The following SMTN variants were observed in gnomAD, a reference collection of about 807,000 sequenced individuals.
SMTN encodes smoothelin.
SMTN carries 58 observed loss-of-function variants against 102.0 expected under a neutral mutation model. The ratio of observed to expected loss-of-function variants is 0.57; its 90% CI spans 0.46 to 0.71. The LOEUF (loss-of-function observed/expected upper bound fraction) is 0.71, where lower values mean the gene tolerates loss of function less well. Among genes scored for constraint, SMTN ranks in the 30% least tolerant of loss-of-function variants. SMTN has a pLI of 0.00. For synonymous variants in SMTN, 478 were observed against 497.9 expected (o/e 0.96, Z 0.53); for missense variants, 1,185 against 1,241.7 (o/e 0.95, Z 0.69).
chr22:31,095,477 T>TG lies in SMTN; in HGVS notation c.1785+27dup, dbSNP rs2043504702. ...GATGGTATAGCCAGATCCGGTGGGC[T>TG]GGGGGTTGGCAGAGGCCAGCAGGCA... On this transcript the variant is annotated intron_variant, in intron 12 of 20. Coordinates refer to ENST00000333137, the MANE Select transcript of SMTN (RefSeq NM_134269.3). The surrounding 1 kb of genome is among the most constrained non-coding windows in gnomAD (Gnocchi z 4.1). 1 of 1,614,158 alleles carries TG rather than the reference T, an allele frequency of 6.2e-7. No homozygotes were observed. The highest frequency in any genetic ancestry group is 1.1e-5 in the South Asian group (1 of 91,086).
rs758585569 is a variant in SMTN at position 31,090,198 on chromosome 22, G to A, written c.865+18G>A. On this transcript the variant is annotated intron_variant, in intron 8 of 20. Transcript: ENST00000333137. Reference sequence around the variant, plus strand: ...GAGAGCAGGTGAGGGTCCCAGCAGGGGTAGTCACAGGCATCTTTCTTCCCC... The same window carrying A: ...GAGAGCAGGTGAGGGTCCCAGCAGGAGTAGTCACAGGCATCTTTCTTCCCC... 34 of 1,587,280 alleles carry A rather than the reference G, an allele frequency of 2.1e-5. No individual in the cohort carries two copies. The highest frequency in any genetic ancestry group is 2.7e-5 in the Non-Finnish European group (32 of 1,167,184).
At chr22:31,071,677 TCTTTCTCTC>T (rs1569231791) in intron 1 of SMTN, among the ~76,000 whole-genome samples, 23 of 146,990 alleles carry the variant, frequency 1.6e-4, no homozygotes, top group Middle Eastern at 3.5e-3. Context: ...TCTAGCTCTC[TCTTTCTCTC>T]TCTCTCTCTC....
chr22:31,077,816 G>A (rs1334837408), upstream of SMTN, among the ~76,000 whole-genome samples: 1 of 152,254 alleles, frequency 6.6e-6, no homozygotes, highest in Non-Finnish European at 1.5e-5. Flanking sequence ...CACAGCGGCT[G>A]GATGACATCC....
intron 1 of SMTN, among the ~76,000 whole-genome samples, chr22:31,074,176 C>G (rs1199859980): frequency 6.6e-6 from 1 of 151,088 alleles, no homozygotes; most frequent in Non-Finnish European, 1.5e-5. Context: ...TTACTTGAAA[C>G]CAGGAGTTTG....
At position 31,082,986 on chromosome 22, in the gene SMTN, C is replaced by G; in HGVS notation, c.-80-193C>G. 2.1e-6 allele frequency: 3 copies of G among 1,434,844 alleles called. No individual in the cohort carries two copies. The South Asian group carries it at 3.7e-5, about 18-fold the overall frequency. The allele number at this position is 1,434,844 out of a possible 1,614,324, so 88.9% of individuals were successfully genotyped here. A position where few individuals can be genotyped will look rare whatever the true frequency, so the allele number is the denominator to read the frequency against. ...AGCTGGCAGGGCTGGAACCAGAGACCCCCTACCCTGGGTTTGGTGAGTTTT... is the reference window on the plus strand; with the variant it reads ...AGCTGGCAGGGCTGGAACCAGAGACGCCCTACCCTGGGTTTGGTGAGTTTT... On this transcript the variant is annotated intron_variant, in intron 1 of 20. Coordinates refer to ENST00000333137, the MANE Select transcript of SMTN (RefSeq NM_134269.3).
chr22:31,088,487 T>G (rs758496718), intron 3 of SMTN, 26 bp from the exon 4 acceptor site: 8 of 1,598,436 alleles, frequency 5.0e-6, no homozygotes, highest in Non-Finnish European at 6.9e-6. Flanking sequence ...ATGGCAGTGG[T>G]GGTTACAGTC....
At chr22:31,088,320 C>A in intron 3 of SMTN, 193 bp from the exon 4 acceptor site, 1 of 764,302 alleles carries the variant, frequency 1.3e-6, no homozygotes. Context: ...CTGATGTAGC[C>A]AGCACGTCTG....
chr22:31,098,138 A>C (rs1234083051), intron 16 of SMTN, among the ~76,000 whole-genome samples: 1 of 152,202 alleles, frequency 6.6e-6, no homozygotes, highest in Non-Finnish European at 1.5e-5. Flanking sequence ...TGAGAACCAA[A>C]GGGGTCCAGA....
chr22:31,104,282 C>T (rs1396118045), intron 20 of SMTN, 34 bp from the exon 21 acceptor site: 4 of 1,605,054 alleles, frequency 2.5e-6, no homozygotes, highest in Admixed American at 1.7e-5. Flanking sequence ...GCGGGTCTGG[C>T]GCTGACATCC....
chr22:31,099,074 AC>A lies in SMTN; in HGVS notation c.2350del (p.Arg784AlafsTer127). ...KEGAAGSPGG[P>X]RAAVQRSTSF... ...ACCGCCCCTACAGCAGCCCTGGCGGACCCCGCGCAGCCGTGCAGCGATCCAC... is the reference window on the plus strand; with the variant it reads ...ACCGCCCCTACAGCAGCCCTGGCGGACCCGCGCAGCCGTGCAGCGATCCAC... On this transcript the variant is annotated frameshift_variant, in exon 18 of 21. Transcript: ENST00000333137. LOFTEE classifies it high-confidence loss of function. 6.2e-7 allele frequency: 1 copy of A among 1,611,704 alleles called. No homozygotes were observed.
chr22:31,077,066 A>T (rs2042147436), upstream of SMTN, among the ~76,000 whole-genome samples: 1 of 152,206 alleles, frequency 6.6e-6, no homozygotes, highest in South Asian at 2.1e-4. Context: ...CTCAGGCGTC[A>T]TCCAAGTGGA....
intron 1 of SMTN, chr22:31,064,839 T>G (rs1400567170): frequency 2.6e-5 from 4 of 152,162 alleles, no homozygotes; most frequent in African/African-American, 9.7e-5. Context: ...TTACCTCACC[T>G]TAGTACAATT....
intron 11 of SMTN, among the ~76,000 whole-genome samples, chr22:31,092,102 T>TG: frequency 6.6e-6 from 1 of 152,232 alleles, no homozygotes; most frequent in Non-Finnish European, 1.5e-5. Context: ...GATGCTGATC[T>TG]CTGATCCTTA....
chr22:31,084,805 G>A (rs1284182435), intron 2 of SMTN, among the ~76,000 whole-genome samples: 7 of 152,262 alleles, frequency 4.6e-5, no homozygotes, highest in Non-Finnish European at 8.8e-5. Context: ...CGGGATCGGT[G>A]CCTCTCGAAG....
At chr22:31,089,010 G>T in intron 6 of SMTN, 41 bp downstream of exon 6, 1 of 1,516,980 alleles carries the variant, frequency 6.6e-7, no homozygotes, top group South Asian at 1.1e-5. Context: ...CTGTGCCCAT[G>T]GATACCGGTA....
chr22:31,101,256 G>A, intron 20 of SMTN: 1 of 551,594 alleles, frequency 1.8e-6, no homozygotes. Context: ...GGGCAGCACT[G>A]TGATGGGGGA....
chr22:31,089,085 C>T, intron 6 of SMTN, 116 bp downstream of exon 6: 1 of 810,954 alleles, frequency 1.2e-6, no homozygotes, highest in East Asian at 2.7e-5. Context: ...CCCCTGCCAT[C>T]CAGCCTCTAT....
In SMTN at chr22:31,073,011, CTTTT is replaced by C. The variant is rs59040826; in HGVS notation, c.-385-7421_-385-7418del. Among the ~76,000 whole-genome samples, 43 of 85,664 alleles carry C rather than the reference CTTTT, an allele frequency of 5.0e-4. 1 individual carries two copies. The East Asian group carries it at 9.1e-3, about 18-fold the overall frequency. The allele number at this position is 85,664 out of a possible 152,430, so 56.2% of individuals were successfully genotyped here. On this transcript the variant is annotated intron_variant, in intron 1 of 3. Transcript: ENST00000422839. The stretch of plus-strand genomic sequence containing the variant: ...GCTGAAGTTGATTCTCTCTCTCTCT[CTTTT>C]TTTTTTTTTTTTTTTTTGAGACAGG...
At chr22:31,068,831 G>A (rs2041927283) in intron 1 of SMTN, among the ~76,000 whole-genome samples, 1 of 152,168 alleles carries the variant, frequency 6.6e-6, no homozygotes, top group Non-Finnish European at 1.5e-5. Context: ...ACAGTACAGA[G>A]TAATTTTGGG....
Sources: gnomAD v4.1 joint callset for allele counts (sites outside exome capture counted in the v4.1 genomes callset) on GRCh38, gnomAD v4.1.1 for gene constraint, Gnocchi (gnomAD v3.1) non-coding constraint, MANE v1.5 for transcripts, NCBI Gene and HGNC (gene_info 2026-07-23, HGNC 2026-07-21) for gene names.